TNKS1BP1: variants seen among roughly 807,000 people sequenced by gnomAD.
TNKS1BP1 encodes 182 kDa tankyrase-1-binding protein.
In TNKS1BP1, 48 loss-of-function variants were observed where a neutral mutation model predicts 141.1. The ratio of observed to expected loss-of-function variants is 0.34; its 90% CI spans 0.27 to 0.43. The LOEUF (loss-of-function observed/expected upper bound fraction) is 0.43, where lower values mean the gene tolerates loss of function less well. Among genes scored for constraint, TNKS1BP1 ranks in the 20% least tolerant of loss-of-function variants. TNKS1BP1 has a pLI of 1.00. For synonymous variants in TNKS1BP1, 875 were observed against 898.2 expected (o/e 0.97, Z 0.46); for missense variants, 2,149 against 2,226.0 (o/e 0.97, Z 0.70).
chr11:57,318,100 C>G (rs1207677507), intron 3 of TNKS1BP1, among the ~76,000 whole-genome samples: 3 of 152,242 alleles, frequency 2.0e-5, no homozygotes, highest in Non-Finnish European at 1.5e-5. Context: ...TGCTTATTCC[C>G]TACCTGAGCA....
chr11:57,313,102 TG>T lies in TNKS1BP1; in HGVS notation c.1585del (p.Gln529LysfsTer123), dbSNP rs1315637301. On this transcript the variant is annotated frameshift_variant, in exon 5 of 12. Transcript: ENST00000358252. LOFTEE classifies it high-confidence loss of function. ...CCCACTTGGAGCTGACCCAGCCCCT[TG>T]CCCCTGCTGAGACACTCCTTCTTCC... is the stretch of plus-strand genomic sequence containing the variant. ...SREEGVSQQG[Q>X]GAGSAPSGSG... is the part of the protein sequence containing the mutation. The T allele has an allele frequency of 6.2e-7, 1 of 1,613,358 alleles. No homozygotes were observed.
In TNKS1BP1 at chr11:57,310,170, T is replaced by C; in HGVS notation, c.2541A>G (p.Arg847=). 1 of 1,614,058 alleles carries C rather than the reference T, an allele frequency of 6.2e-7. No homozygotes were observed. Among genetic ancestry groups the C allele is most frequent in the Non-Finnish European group, 8.5e-7 (1 of 1,179,980 alleles). Reference sequence around the variant, plus strand: ...AGTAAGTGCCCTGGGAATCCCTCTTTCTGAACTCCCAGTCCTGAACATCTG... The same window carrying C: ...AGTAAGTGCCCTGGGAATCCCTCTTCCTGAACTCCCAGTCCTGAACATCTG... The part of the protein sequence containing the change: ...QEADVQDWEF[R]KRDSQGTYSS... The change falls in exon 6 of 12, where the codon AGA becomes AGG. Residue 847 remains arginine, a synonymous_variant. Coordinates refer to ENST00000358252, the MANE Select transcript of TNKS1BP1 (RefSeq NM_033396.3).
Position 57,310,209 on chromosome 11 carries a change from C to T in TNKS1BP1, c.2502G>A (p.Gln834=). Residue 834 remains glutamine, a synonymous_variant, in exon 6 of 12, where the codon CAG becomes CAA. Coordinates refer to ENST00000358252, the MANE Select transcript of TNKS1BP1 (RefSeq NM_033396.3). The stretch of plus-strand genomic sequence containing the variant: ...CCTGAACATCTGCCTCCTGGCTCCG[C>T]TGAGTGCCAAGCTGGGCTGGCTTTC... ...VVGKPAQLGT[Q]RSQEADVQDW... 6.2e-7 allele frequency: 1 copy of T among 1,614,238 alleles called. No homozygotes were observed. Among genetic ancestry groups the T allele is most frequent in the Non-Finnish European group, 8.5e-7 (1 of 1,180,050 alleles).
chr11:57,304,080 C>T (rs1213860226), intron 6 of TNKS1BP1, among the ~76,000 whole-genome samples: 1 of 152,094 alleles, frequency 6.6e-6, no homozygotes, highest in Non-Finnish European at 1.5e-5. Context: ...AGGCACGGCA[C>T]AGAGCCACAC....
rs1022173627 is a variant in TNKS1BP1, at chr11:57,310,011, T to C, written c.2700A>G (p.Gln900=). 5 of 1,614,114 alleles carry C rather than the reference T, an allele frequency of 3.1e-6. No individual in the cohort carries two copies. The South Asian group carries it at 5.5e-5, about 18-fold the overall frequency. Residue 900 remains glutamine, a synonymous_variant, in exon 6 of 12, where the codon CAA becomes CAG. Transcript: ENST00000358252. ...AATCTTGGCCCTGCTCGTTGGCATC[T>C]TGGCTGGCATAAGCACCCAGAGAAT... ...KRDSLGAYAS[Q]DANEQGQDLG... is the part of the protein sequence containing the mutation.
chr11:57,309,292 GA>G lies in TNKS1BP1; in HGVS notation c.3418del (p.Ser1140LeufsTer59). The G allele has an allele frequency of 6.2e-7, 1 of 1,614,138 alleles. No individual in the cohort carries two copies. The highest frequency in any genetic ancestry group is 1.3e-5 in the African/African-American group (1 of 75,054). Reference sequence around the variant, plus strand: ...AAAGTGACCACCTTCCATCTTGCTAGAAGGGCTAAAGCCAGCACCACTCACT... The same window carrying G: ...AAAGTGACCACCTTCCATCTTGCTAGAGGGCTAAAGCCAGCACCACTCACT... ...DRVSGAGFSP[S>X]SKMEGGHFVP... On this transcript the variant is annotated frameshift_variant, in exon 6 of 12. Coordinates refer to ENST00000358252, the MANE Select transcript of TNKS1BP1 (RefSeq NM_033396.3). LOFTEE classifies it high-confidence loss of function. This position sits in a 1 kb window ranked among gnomAD's most constrained non-coding sequence, Gnocchi z 4.3.
At chr11:57,316,053 GTTC>G (rs1051925917) in intron 4 of TNKS1BP1, among the ~76,000 whole-genome samples, 2 of 152,154 alleles carry the variant, frequency 1.3e-5, no homozygotes, top group African/African-American at 2.4e-5. Flanking sequence ...AATATCCACA[GTTC>G]TTCTTGTCCC....
chr11:57,314,023 T>A, intron 4 of TNKS1BP1, 134 bp from the exon 5 acceptor site: 2 of 1,067,174 alleles, frequency 1.9e-6, no homozygotes, highest in Non-Finnish European at 1.2e-6. Context: ...GAGGGGGTCC[T>A]CTTGGGATAG....
chr11:57,306,590 G>T (rs1176424860), intron 6 of TNKS1BP1, among the ~76,000 whole-genome samples: 1 of 152,110 alleles, frequency 6.6e-6, no homozygotes, highest in Non-Finnish European at 1.5e-5. Flanking sequence ...TTTTCGTTCG[G>T]CTTTTTGAGG....
Position 57,302,407 on chromosome 11 carries a change from C to T in TNKS1BP1, c.4683+52G>A, listed in dbSNP as rs1855538862. On this transcript the variant is annotated intron_variant, in intron 7 of 11. Coordinates refer to ENST00000358252, the MANE Select transcript of TNKS1BP1 (RefSeq NM_033396.3). The surrounding 1 kb of genome is among the most constrained non-coding windows in gnomAD (Gnocchi z 5.5). ...TCAGGGAAGCTCCAGGAATGGGGCT[C>T]TCGCTGCATCGCCCTCACCCACCCA... 39 of 1,548,878 alleles carry T rather than the reference C, an allele frequency of 2.5e-5. No individual in the cohort carries two copies. Among genetic ancestry groups the T allele is most frequent in the Non-Finnish European group, 3.4e-5 (39 of 1,142,850 alleles).
At chr11:57,324,345 A>AGAGGAG (rs975267064) in intron 1 of TNKS1BP1, among the ~76,000 whole-genome samples, 4 of 152,064 alleles carry the variant, frequency 2.6e-5, no homozygotes, top group East Asian at 3.9e-4. Flanking sequence ...CGGCAGCCGA[A>AGAGGAG]GAGGAGGAGG....
chr11:57,310,287 G>C lies in TNKS1BP1; in HGVS notation c.2424C>G (p.Asp808Glu). 6.2e-6 allele frequency: 10 copies of C among 1,613,972 alleles called. No individual in the cohort carries two copies. Among genetic ancestry groups the C allele is most frequent in the Non-Finnish European group, 8.5e-6 (10 of 1,180,014 alleles). ...CCCCTGGGGCAGACACTTTACTCTG[G>C]TCTTGGCTGCTGCTGGCCTCCATCT... ...QEEMEASSSQ[D>E]QSKVSAPGVL... The change falls in exon 6 of 12, where the codon GAC (aspartate) becomes GAG (glutamate). Residue 808 changes from aspartate (D) to glutamate (E), a missense_variant. Coordinates refer to ENST00000358252, the MANE Select transcript of TNKS1BP1 (RefSeq NM_033396.3).
In TNKS1BP1 at chr11:57,308,424, C is replaced by A; in HGVS notation, c.4287G>T (p.Glu1429Asp). The change falls in exon 6 of 12, where the codon GAG becomes GAT. Residue 1429 changes from glutamate to aspartate, a missense_variant. Glu to Asp is a conservative substitution (Grantham distance 45). Coordinates refer to ENST00000358252, the MANE Select transcript of TNKS1BP1 (RefSeq NM_033396.3). ...CTCCGAAGCTGAGGGCTTCTCCTGT[C>A]TCCATTCCAGGGTCTGCAGGGTGTG... ...LEPHPADPGM[E>D]TGEALSFGAS... 6.2e-7 allele frequency: 1 copy of A among 1,614,056 alleles called. No homozygotes were observed. The highest frequency in any genetic ancestry group is 8.5e-7 in the Non-Finnish European group (1 of 1,179,956).
At chr11:57,323,219 G>C (rs1244281545) in intron 1 of TNKS1BP1, among the ~76,000 whole-genome samples, 1 of 151,920 alleles carries the variant, frequency 6.6e-6, no homozygotes, top group Non-Finnish European at 1.5e-5. Context: ...CCTCTTCCCT[G>C]ACCCCAGGCT....
intron 1 of TNKS1BP1, 158 bp from the exon 2 acceptor site, chr11:57,322,108 C>T: frequency 9.5e-7 from 1 of 1,056,590 alleles, no homozygotes; most frequent in Admixed American, 3.2e-5. Context: ...AGGGAGGTTC[C>T]CAACAGCCAT....
At chr11:57,301,685 G>A (rs1454233095) in intron 9 of TNKS1BP1, 122 bp downstream of exon 9, 2 of 1,350,634 alleles carry the variant, frequency 1.5e-6, no homozygotes, top group South Asian at 1.4e-5. Flanking sequence ...AGAGGAGAGT[G>A]AGAGGAGGAA....
intron 1 of TNKS1BP1, among the ~76,000 whole-genome samples, chr11:57,322,653 T>C (rs1345119703): frequency 3.3e-5 from 5 of 152,172 alleles, no homozygotes; most frequent in East Asian, 3.9e-4. Flanking sequence ...CCTGTTGCCA[T>C]AGCAATGGCC....
In TNKS1BP1 at chr11:57,299,685, T is replaced by C. The variant is rs1855496710; in HGVS notation, c.*409A>G. On this transcript the variant is annotated 3_prime_UTR_variant, in exon 12 of 12. Coordinates refer to ENST00000358252, the MANE Select transcript of TNKS1BP1 (RefSeq NM_033396.3). ...TATTGTTTCAAGTGGCAAAATGTCA[T>C]TGGTCTCTGTGGGGTACCTGGCGGG... The C allele has an allele frequency of 6.5e-6, 1 of 153,202 alleles. No homozygotes were observed. The allele number at this position is 153,202 out of a possible 1,614,324, so 9.5% of individuals were successfully genotyped here. A position where few individuals can be genotyped will look rare whatever the true frequency, so the allele number is the denominator to read the frequency against.
chr11:57,320,260 A>G lies in TNKS1BP1; in HGVS notation c.547T>C (p.Trp183Arg). ...TGGTTAAAGGTGAGGCGGGAACCCC[A>G]CAGGCGGTCGGGGCTGGCAAGGACC... ...KEVLASPDRL[W>R]GSRLTFNHDG... The change falls in exon 3 of 12, where the codon TGG (tryptophan) becomes CGG (arginine). Residue 183 changes from tryptophan (W) to arginine (R), a missense_variant. Transcript: ENST00000358252. 1 of 1,614,088 alleles carries G rather than the reference A, an allele frequency of 6.2e-7. No homozygotes were observed. The highest frequency in any genetic ancestry group is 8.5e-7 in the Non-Finnish European group (1 of 1,180,020).
Sources: allele counts gnomAD v4.1 joint callset (sites outside exome capture counted in the v4.1 genomes callset), GRCh38; gene constraint gnomAD v4.1.1; non-coding constraint Gnocchi (gnomAD v3.1); transcripts MANE v1.5; gene names NCBI Gene and HGNC (gene_info 2026-07-23, HGNC 2026-07-21).